Variants in HSF2BP observed in about 807,000 individuals in gnomAD.
The protein encoded by HSF2BP is heat shock factor 2-binding protein.
In HSF2BP, 35 loss-of-function variants were observed where a neutral mutation model predicts 35.0. That is an observed-to-expected ratio of 1.00 (90% CI 0.76 to 1.32). The LOEUF (loss-of-function observed/expected upper bound fraction) is 1.32. HSF2BP is among the 40% of genes most tolerant of loss of function. The pLI is 0.00. For missense variants in HSF2BP, 326 were observed against 321.7 expected (o/e 1.01, Z -0.10); for synonymous variants, 114 against 117.4 (o/e 0.97, Z 0.18).
At chr21:43,636,744 T>C (rs980875920) in intron 4 of HSF2BP, among the ~76,000 whole-genome samples, 3 of 150,436 alleles carry the variant, frequency 2.0e-5, no homozygotes, top group African/African-American at 4.9e-5. Flanking sequence ...ATACAAAAAT[T>C]AGCTGGGTGT....
At chr21:43,647,961 A>T (rs2082731815) in intron 3 of HSF2BP, among the ~76,000 whole-genome samples, 1 of 151,504 alleles carries the variant, frequency 6.6e-6, no homozygotes, top group Admixed American at 6.6e-5. Context: ...AACTAAAATC[A>T]ATCTTGCTGA....
intron 3 of HSF2BP, among the ~76,000 whole-genome samples, chr21:43,650,200 T>C (rs1042761351): frequency 1.3e-5 from 2 of 152,164 alleles, no homozygotes; most frequent in African/African-American, 4.8e-5. Context: ...AGAACCATCA[T>C]ATACTATTAT....
At chr21:43,584,796 G>T (rs900232641) in intron 8 of HSF2BP, among the ~76,000 whole-genome samples, 1 of 152,174 alleles carries the variant, frequency 6.6e-6, no homozygotes, top group Non-Finnish European at 1.5e-5. Context: ...TGCTGGGAAA[G>T]ACCCTTGGGA....
At chr21:43,651,626 A>G (rs945300311) in intron 3 of HSF2BP, among the ~76,000 whole-genome samples, 2 of 144,624 alleles carry the variant, frequency 1.4e-5, no homozygotes, top group Non-Finnish European at 3.1e-5. Flanking sequence ...AAAACAATCT[A>G]TGATTGTCTT....
chr21:43,590,450 A>G (rs376179568), intron 8 of HSF2BP, among the ~76,000 whole-genome samples: 4 of 152,190 alleles, frequency 2.6e-5, no homozygotes, highest in African/African-American at 7.2e-5. Context: ...TGCACCTACC[A>G]CATGTCTCAG....
intron 6 of HSF2BP, among the ~76,000 whole-genome samples, chr21:43,629,229 A>C (rs2082425338): frequency 1.3e-5 from 2 of 152,236 alleles, no homozygotes; most frequent in South Asian, 4.1e-4. Flanking sequence ...AGTAAACTGA[A>C]AACCTTCTAA....
intron 8 of HSF2BP, among the ~76,000 whole-genome samples, chr21:43,588,810 C>T (rs1251139151): frequency 6.6e-6 from 1 of 152,316 alleles, no homozygotes; most frequent in African/African-American, 2.4e-5. Flanking sequence ...CTAGGAACCA[C>T]CTCTGATTCT....
intron 7 of HSF2BP, chr21:43,609,789 C>G (rs1355895608): frequency 6.6e-6 from 1 of 152,430 alleles, no homozygotes; most frequent in South Asian, 2.1e-4. Flanking sequence ...CCCTCTCAGG[C>G]TGGTGCATGC....
intron 6 of HSF2BP, among the ~76,000 whole-genome samples, chr21:43,629,243 G>T (rs2082425418): frequency 6.6e-6 from 1 of 152,132 alleles, no homozygotes; most frequent in Non-Finnish European, 1.5e-5. Context: ...CTTCTAAAAA[G>T]GATTCACCAT....
At chr21:43,586,354 C>G (rs1188089441) in intron 8 of HSF2BP, among the ~76,000 whole-genome samples, 1 of 152,166 alleles carries the variant, frequency 6.6e-6, no homozygotes, top group Non-Finnish European at 1.5e-5. Context: ...AGCAACTGGT[C>G]TCGTACTCTG....
intron 8 of HSF2BP, among the ~76,000 whole-genome samples, chr21:43,588,989 C>T (rs1056193339): frequency 1.3e-5 from 2 of 152,194 alleles, no homozygotes; most frequent in Non-Finnish European, 2.9e-5. Context: ...ATGCTAGAGT[C>T]TTACAGACAC....
At chr21:43,650,426 C>T (rs1324874980) in intron 3 of HSF2BP, among the ~76,000 whole-genome samples, 1 of 151,988 alleles carries the variant, frequency 6.6e-6, no homozygotes, top group African/African-American at 2.4e-5. Flanking sequence ...AGGATGGTCT[C>T]GATCTCCTGA....
At chr21:43,603,833 A>G (rs1057387564) in intron 7 of HSF2BP, among the ~76,000 whole-genome samples, 1 of 152,190 alleles carries the variant, frequency 6.6e-6, no homozygotes, top group Non-Finnish European at 1.5e-5. Context: ...TGCCACTGAA[A>G]AAACTCACAG....
intron 7 of HSF2BP, among the ~76,000 whole-genome samples, chr21:43,606,421 G>A: frequency 6.6e-6 from 1 of 152,192 alleles, no homozygotes; most frequent in East Asian, 1.9e-4. Context: ...GGAGGCAATG[G>A]TGTGAGCAGG....
rs1455256330 is a variant in HSF2BP, at chr21:43,632,139, C to CAA, written c.441+1132_441+1133insTT. 4.8e-3 allele frequency among the ~76,000 whole-genome samples: 248 copies of CAA among 51,284 alleles called. 9 individuals are homozygous for CAA. Among genetic ancestry groups the CAA allele is most frequent in the African/African-American group, 0.024 (236 of 9,960 alleles). 33.6% of individuals were successfully genotyped at this position (51,284 alleles called of 152,430 possible). ...CGCTCCCCCAAACACACACACGCTCCCACACACACACTCACACAGTCTCAC... is the reference window on the plus strand; with the variant it reads ...CGCTCCCCCAAACACACACACGCTCCAACACACACACACTCACACAGTCTCAC... On this transcript the variant is annotated intron_variant, in intron 5 of 8. Coordinates refer to ENST00000291560, the MANE Select transcript of HSF2BP (RefSeq NM_007031.2).
intron 8 of HSF2BP, among the ~76,000 whole-genome samples, chr21:43,571,902 A>G (rs528870665): frequency 6.7e-6 from 1 of 149,764 alleles, no homozygotes; most frequent in Admixed American, 6.7e-5. Context: ...GTGAAAGATC[A>G]GTCTAACAAA....
At chr21:43,583,040 G>GAT (rs1253596104) in intron 8 of HSF2BP, among the ~76,000 whole-genome samples, 2 of 18,498 alleles carry the variant, frequency 1.1e-4, no homozygotes, top group African/African-American at 3.9e-4. Context: ...TGCTGAGGGA[G>GAT]ATGAGGACCT....
intron 7 of HSF2BP, among the ~76,000 whole-genome samples, chr21:43,601,245 A>G (rs1174134825): frequency 2.0e-5 from 3 of 152,170 alleles, no homozygotes; most frequent in Non-Finnish European, 4.4e-5. Context: ...CCAGCAGCAC[A>G]TGGACAGGTG....
At chr21:43,593,909 T>C (rs980574253) in intron 7 of HSF2BP, among the ~76,000 whole-genome samples, 1 of 152,012 alleles carries the variant, frequency 6.6e-6, no homozygotes, top group African/African-American at 2.4e-5. Flanking sequence ...TTCCCAGAAA[T>C]GAGTAAATAT....
Sources: gnomAD v4.1 joint callset for allele counts (sites outside exome capture counted in the v4.1 genomes callset) on GRCh38, gnomAD v4.1.1 for gene constraint, MANE v1.5 for transcripts, NCBI Gene and HGNC (gene_info 2026-07-23, HGNC 2026-07-21) for gene names.